Variants in KIAA1217 observed in about 807,000 individuals in gnomAD.
The protein encoded by KIAA1217 is sickle tail protein homolog.
Under a neutral mutation model 163.9 loss-of-function variants are expected in KIAA1217, and 88 were observed. The ratio of observed to expected loss-of-function variants is 0.54; its 90% CI spans 0.45 to 0.64. The LOEUF is 0.64. Ranked by LOEUF, KIAA1217 falls within the 30% of genes least tolerant of loss-of-function variation. The pLI is 0.00. For synonymous variants in KIAA1217, 903 were observed against 923.1 expected, an observed-to-expected ratio of 0.98 and a Z score of 0.39; for missense variants, 2,372 against 2,475.0, an observed-to-expected ratio of 0.96 and a Z score of 0.88.
intron 2 of KIAA1217, among the ~76,000 whole-genome samples, chr10:24,345,125 A>G (rs2047563110): frequency 6.6e-6 from 1 of 152,204 alleles, no homozygotes; most frequent in African/African-American, 2.4e-5. Flanking sequence ...TTTCAATCCA[A>G]CTAATTCAAG....
At chr10:24,202,998 T>C (rs1341513187) in intron 2 of KIAA1217, among the ~76,000 whole-genome samples, 1 of 152,090 alleles carries the variant, frequency 6.6e-6, no homozygotes, top group Admixed American at 6.5e-5. Flanking sequence ...AAGACCAGCC[T>C]GAGCAACATA....
At chr10:23,860,398 G>C (rs2131132392) in intron 1 of KIAA1217, among the ~76,000 whole-genome samples, 1 of 152,174 alleles carries the variant, frequency 6.6e-6, no homozygotes, top group South Asian at 2.1e-4. Flanking sequence ...TGTGTAGTAT[G>C]ATTTCCATTA....
At chr10:24,125,448 A>T (rs2063438281) in intron 2 of KIAA1217, among the ~76,000 whole-genome samples, 1 of 151,984 alleles carries the variant, frequency 6.6e-6, no homozygotes, top group Non-Finnish European at 1.5e-5. Flanking sequence ...TGTAAGCTAC[A>T]TTTATAATGA....
intron 1 of KIAA1217, among the ~76,000 whole-genome samples, chr10:23,837,550 T>C (rs1376783853): frequency 6.6e-6 from 1 of 152,160 alleles, no homozygotes; most frequent in Admixed American, 6.5e-5. Context: ...TTTTTCTTTT[T>C]TGAGATGGGA....
At chr10:24,087,206 C>G (rs143816877) in intron 2 of KIAA1217, among the ~76,000 whole-genome samples, 352 of 152,306 alleles carry the variant, frequency 2.3e-3, no homozygotes, top group African/African-American at 8.2e-3. Flanking sequence ...TAGAAAGATT[C>G]ATGTTAACTA....
At chr10:24,348,644 AT>A (rs373223454) in intron 2 of KIAA1217, among the ~76,000 whole-genome samples, 2 of 152,336 alleles carry the variant, frequency 1.3e-5, no homozygotes, top group African/African-American at 4.8e-5. Context: ...TAAAGAAGAA[AT>A]GTATACATAT....
At chr10:24,354,455 A>C (rs1426037177) in intron 2 of KIAA1217, among the ~76,000 whole-genome samples, 7 of 152,230 alleles carry the variant, frequency 4.6e-5, no homozygotes, top group African/African-American at 9.6e-5. Flanking sequence ...GCATGTTACC[A>C]TGCTCTTTTA....
chr10:24,454,615 G>T lies in KIAA1217; in HGVS notation c.846+16136G>T, dbSNP rs970152427. Among the ~76,000 whole-genome samples, 10 of 152,276 alleles carry T rather than the reference G, an allele frequency of 6.6e-5. 2 individuals are homozygous for T. Among genetic ancestry groups the T allele is most frequent in the Admixed American group, 2.0e-4 (3 of 15,292 alleles). On this transcript the variant is annotated intron_variant, in intron 5 of 20. Coordinates refer to ENST00000376454, the MANE Select transcript of KIAA1217 (RefSeq NM_019590.5). ...TTTCATGAAATGCAGCACCTCTAAA[G>T]CATAGGACTGGTGGTCAGGGTCTGA...
intron 1 of KIAA1217, among the ~76,000 whole-genome samples, chr10:23,716,687 TC>T (rs1837591229): frequency 6.6e-6 from 1 of 152,162 alleles, no homozygotes; most frequent in African/African-American, 2.4e-5. Flanking sequence ...GAAAAGCTGG[TC>T]CACCTTACTA....
chr10:24,253,718 CG>C (rs2074816802), intron 2 of KIAA1217, among the ~76,000 whole-genome samples: 1 of 149,792 alleles, frequency 6.7e-6, no homozygotes, highest in Non-Finnish European at 1.5e-5. Flanking sequence ...GGCAACACAG[CG>C]GGACTCTGTC....
intron 2 of KIAA1217, among the ~76,000 whole-genome samples, chr10:24,083,099 T>A (rs1417873929): frequency 6.6e-6 from 1 of 152,222 alleles, no homozygotes; most frequent in Non-Finnish European, 1.5e-5. Context: ...ATGTGTTTGC[T>A]ATTTGGCATC....
At chr10:23,809,600 A>G (rs1198153050) in intron 1 of KIAA1217, among the ~76,000 whole-genome samples, 3 of 152,042 alleles carry the variant, frequency 2.0e-5, no homozygotes, top group Non-Finnish European at 2.9e-5. Flanking sequence ...AATGCTTTAA[A>G]CATACCTTGT....
Position 24,461,750 on chromosome 10 carries a change from T to C in KIAA1217, c.847-11478T>C, listed in dbSNP as rs188401208. Reference sequence around the variant, plus strand: ...ACTAAAATACATATATACATTTTAATTCTCACGTTGTTGTAATCATCCTAA... The same window carrying C: ...ACTAAAATACATATATACATTTTAACTCTCACGTTGTTGTAATCATCCTAA... On this transcript the variant is annotated intron_variant, in intron 5 of 20. Coordinates refer to ENST00000376454, the MANE Select transcript of KIAA1217 (RefSeq NM_019590.5). 5.6e-4 allele frequency among the ~76,000 whole-genome samples: 85 copies of C among 152,374 alleles called. 1 individual carries two copies. The highest frequency in any genetic ancestry group is 2.0e-3 in the African/African-American group (82 of 41,588).
At chr10:24,511,144 C>G (rs1592538167) in intron 9 of KIAA1217, among the ~76,000 whole-genome samples, 2 of 17,856 alleles carry the variant, frequency 1.1e-4, no homozygotes, top group African/African-American at 4.9e-4. Flanking sequence ...CAGAGTGAGA[C>G]TCTGTCTCAA....
chr10:24,160,641 C>A (rs908339039), intron 2 of KIAA1217, among the ~76,000 whole-genome samples: 11 of 152,110 alleles, frequency 7.2e-5, no homozygotes, highest in African/African-American at 2.7e-4. Context: ...ATGGATTTTC[C>A]TCTCGGCCTT....
At chr10:23,870,420 A>G (rs1197518323) in intron 1 of KIAA1217, among the ~76,000 whole-genome samples, 1 of 152,100 alleles carries the variant, frequency 6.6e-6, no homozygotes, top group South Asian at 2.1e-4. Context: ...AACAAAGGCC[A>G]TATTGAGTCA....
At chr10:23,934,561 A>ATATATATATATATATATATATATATG (rs1843399925) in intron 1 of KIAA1217, among the ~76,000 whole-genome samples, 4 of 31,984 alleles carry the variant, frequency 1.3e-4, no homozygotes, top group Non-Finnish European at 2.0e-4. Flanking sequence ...TTTAAAGTAT[A>ATATATATATATATATATATATATATG]TATATATATA....
chr10:24,199,884 G>A lies in KIAA1217; in HGVS notation c.-170-19742G>A, dbSNP rs1452305868. On this transcript the variant is annotated intron_variant, in intron 2 of 18. Coordinates refer to the KIAA1217 transcript ENST00000376462. ...TATATTTGGAAGTAAGGAAAAACAGGAAATGGCTTTCCCAAGCCTCCTGAG... is the reference window on the plus strand; with the variant it reads ...TATATTTGGAAGTAAGGAAAAACAGAAAATGGCTTTCCCAAGCCTCCTGAG... 2.6e-5 allele frequency among the ~76,000 whole-genome samples: 4 copies of A among 152,066 alleles called. No individual in the cohort carries two copies. The East Asian group carries it at 7.7e-4, about 29-fold the overall frequency.
At chr10:24,241,258 A>C (rs566535640) in intron 2 of KIAA1217, among the ~76,000 whole-genome samples, 1 of 152,274 alleles carries the variant, frequency 6.6e-6, no homozygotes, top group African/African-American at 2.4e-5. Flanking sequence ...TTCTCATTTT[A>C]GGAGGCATAG....
Sources: gnomAD v4.1 joint callset for allele counts (sites outside exome capture counted in the v4.1 genomes callset) on GRCh38, gnomAD v4.1.1 for gene constraint, MANE v1.5 for transcripts, NCBI Gene and HGNC (gene_info 2026-07-23, HGNC 2026-07-21) for gene names.